LONRF2: variants seen among roughly 807,000 people sequenced by gnomAD.
The protein encoded by LONRF2 is LON peptidase N-terminal domain and RING finger protein 2.
LONRF2 carries 35 observed loss-of-function variants against 66.6 expected under a neutral mutation model. The observed-to-expected ratio is 0.53, with a 90% CI of 0.40 to 0.70. The LOEUF (loss-of-function observed/expected upper bound fraction) is 0.70. Among genes scored for constraint, LONRF2 ranks in the 30% least tolerant of loss-of-function variants. The pLI, the probability that LONRF2 is intolerant of heterozygous loss-of-function variation, is 0.00. For synonymous variants in LONRF2, 417 were observed against 418.1 expected (o/e 1.00, Z 0.03); for missense variants, 902 against 1,002.1 (o/e 0.90, Z 1.35).
At position 100,321,872 on chromosome 2, in the gene LONRF2, G is replaced by A; in HGVS notation, c.222C>T (p.Leu74=). 2.5e-6 allele frequency: 3 copies of A among 1,210,280 alleles called. No individual in the cohort carries two copies. The highest frequency in any genetic ancestry group is 3.1e-6 in the Non-Finnish European group (3 of 975,628). 75.0% of individuals were successfully genotyped at this position (1,210,280 alleles called of 1,614,324 possible). The change falls in exon 1 of 12, where the codon CTC becomes CTT. Residue 74 remains leucine (L), a synonymous_variant. Transcript: ENST00000393437. ...CGCGGAACGCGCCCAGGGCTTCGGGGAGGCGGCCGGCGCGGGCCAGCGCGT... is the reference window on the plus strand; with the variant it reads ...CGCGGAACGCGCCCAGGGCTTCGGGAAGGCGGCCGGCGCGGGCCAGCGCGT... ...LGDALARAGR[L]PEALGAFRGA...
In LONRF2 at chr2:100,295,716, G is replaced by A. The variant is rs17023913; in HGVS notation, c.1477-163C>T. ...GGGCCAGCCTGTAACAAGAGCAGGG[G>A]CAGCCCCTCCACTGTGAGAAAAGGC... On this transcript the variant is annotated intron_variant, in intron 7 of 11. Transcript: ENST00000393437. Among the ~76,000 whole-genome samples the A allele has an allele frequency of 8.6e-3, 1,308 of 152,264 alleles. 18 individuals carry two copies. The highest frequency in any genetic ancestry group is 0.03 in the African/African-American group (1,252 of 41,552).
intron 2 of LONRF2, among the ~76,000 whole-genome samples, chr2:100,304,064 C>T (rs976627089): frequency 6.6e-6 from 1 of 152,006 alleles, no homozygotes; most frequent in Non-Finnish European, 1.5e-5. Context: ...TCTTCAATTT[C>T]ACTGATTATT....
Position 100,284,053 on chromosome 2 carries a change from G to A in LONRF2, c.*245C>T. 1 of 396,736 alleles carries A rather than the reference G, an allele frequency of 2.5e-6. No individual in the cohort carries two copies. Among genetic ancestry groups the A allele is most frequent in the Non-Finnish European group, 4.5e-6 (1 of 220,842 alleles). The allele number at this position is 396,736 out of a possible 1,614,324, so 24.6% of individuals were successfully genotyped here. A position where few individuals can be genotyped will look rare whatever the true frequency, so the allele number is the denominator to read the frequency against. Reference sequence around the variant, plus strand: ...GCATTCCCCAAGCACCTGCTTCTAAGAGATTTTCTTAGGTTGTTTTCCAAC... The same window carrying A: ...GCATTCCCCAAGCACCTGCTTCTAAAAGATTTTCTTAGGTTGTTTTCCAAC... On this transcript the variant is annotated 3_prime_UTR_variant, in exon 12 of 12. Transcript: ENST00000393437.
chr2:100,307,055 G>A (rs955613707), intron 2 of LONRF2, among the ~76,000 whole-genome samples: 5 of 151,552 alleles, frequency 3.3e-5, no homozygotes, highest in Non-Finnish European at 7.4e-5. Flanking sequence ...CGAGTAGCTG[G>A]GACTACAGGC....
intron 1 of LONRF2, among the ~76,000 whole-genome samples, chr2:100,318,396 A>G (rs1270366236): frequency 6.6e-6 from 1 of 152,152 alleles, no homozygotes; most frequent in African/African-American, 2.4e-5. Flanking sequence ...TCCACTCATA[A>G]CTTATCGGCC....
chr2:100,298,160 C>G (rs1675110477), intron 7 of LONRF2, among the ~76,000 whole-genome samples: 1 of 152,140 alleles, frequency 6.6e-6, no homozygotes, highest in South Asian at 2.1e-4. Context: ...ACTAATAGGA[C>G]CACAGCCCAA....
At position 100,284,230 on chromosome 2, in the gene LONRF2, G is replaced by T; in HGVS notation, c.*68C>A. On this transcript the variant is annotated 3_prime_UTR_variant, in exon 12 of 12. Transcript: ENST00000393437. ...ACTTGATGAAGCACAATGAATGGAC[G>T]GCTATTCGTCCATGCCTGACATTTA... 8.1e-6 allele frequency: 11 copies of T among 1,361,720 alleles called. No homozygotes were observed. Among genetic ancestry groups the T allele is most frequent in the Middle Eastern group, 1.9e-4 (1 of 5,344 alleles). The allele number at this position is 1,361,720 out of a possible 1,614,324, so 84.4% of individuals were successfully genotyped here.
intron 6 of LONRF2, 108 bp from the exon 7 acceptor site, chr2:100,299,058 C>T: frequency 1.1e-6 from 1 of 890,940 alleles, no homozygotes; most frequent in Non-Finnish European, 1.8e-6. Context: ...TTCTAGAAAT[C>T]ACTTGCATGC....
chr2:100,286,832 T>G (rs1674855605), intron 11 of LONRF2, 82 bp downstream of exon 11: 2 of 1,494,312 alleles, frequency 1.3e-6, no homozygotes, highest in South Asian at 2.7e-5. Flanking sequence ...AGCATCATAC[T>G]GCCAAGCTCT....
intron 9 of LONRF2, among the ~76,000 whole-genome samples, chr2:100,293,787 C>G (rs1178512997): frequency 2.0e-5 from 3 of 152,144 alleles, no homozygotes; most frequent in Non-Finnish European, 4.4e-5. Flanking sequence ...CCTATGCTGC[C>G]TAGGTTGGTC....
In LONRF2 at chr2:100,276,038, C is replaced by T. The variant is rs1674595065; in HGVS notation, c.*8260G>A. 1 of 152,028 alleles carries T rather than the reference C, an allele frequency of 6.6e-6. No individual in the cohort carries two copies. The highest frequency in any genetic ancestry group is 2.4e-5 in the African/African-American group (1 of 41,392). The allele number at this position is 152,028 out of a possible 1,614,324, so 9.4% of individuals were successfully genotyped here. On this transcript the variant is annotated 3_prime_UTR_variant, in exon 12 of 12. Transcript: ENST00000393437. ...CTAAACGGAAGGTCCCTAATCTGATCCAATTAGAAATCCAACGCTTATACA... is the reference window on the plus strand; with the variant it reads ...CTAAACGGAAGGTCCCTAATCTGATTCAATTAGAAATCCAACGCTTATACA...
At chr2:100,314,492 T>C (rs1457876889) in intron 1 of LONRF2, among the ~76,000 whole-genome samples, 4 of 152,206 alleles carry the variant, frequency 2.6e-5, no homozygotes, top group African/African-American at 4.8e-5. Flanking sequence ...TTTTTCTTTT[T>C]GAATCATAGG....
Position 100,284,031 on chromosome 2 carries a change from T to TCTCGGTGG in LONRF2, c.*266_*267insCCACCGAG. The TCTCGGTGG allele has an allele frequency of 8.6e-6, 3 of 349,532 alleles. No homozygotes were observed. Among genetic ancestry groups the TCTCGGTGG allele is most frequent in the South Asian group, 1.0e-4 (2 of 19,198 alleles). 21.7% of individuals were successfully genotyped at this position (349,532 alleles called of 1,614,324 possible). A position where few individuals can be genotyped will look rare whatever the true frequency, so the allele number is the denominator to read the frequency against. ...GGTCCTGTGCTGTCAGTGAACTGCA[T>TCTCGGTGG]TCCCCAAGCACCTGCTTCTAAGAGA... On this transcript the variant is annotated 3_prime_UTR_variant, in exon 12 of 12. Transcript: ENST00000393437.
At chr2:100,303,123 T>C (rs1432296792) in intron 2 of LONRF2, 80 bp from the exon 3 acceptor site, 4 of 1,330,528 alleles carry the variant, frequency 3.0e-6, no homozygotes, top group Non-Finnish European at 4.0e-6. Flanking sequence ...CCTGAACAAA[T>C]TTATTAGAAC....
At chr2:100,321,293 G>T in intron 1 of LONRF2, 122 bp downstream of exon 1, 2 of 870,888 alleles carry the variant, frequency 2.3e-6, no homozygotes, top group Non-Finnish European at 3.2e-6. Flanking sequence ...GAAGCAAAGT[G>T]ACCCCTAAGC....
intron 9 of LONRF2, among the ~76,000 whole-genome samples, chr2:100,291,925 C>T (rs981616633): frequency 3.9e-5 from 6 of 152,160 alleles, no homozygotes; most frequent in Admixed American, 6.5e-5. Flanking sequence ...GAATTCAAGC[C>T]CACAAAACAC....
chr2:100,314,965 T>C (rs1160905541), intron 1 of LONRF2, among the ~76,000 whole-genome samples: 2 of 152,234 alleles, frequency 1.3e-5, no homozygotes, highest in Non-Finnish European at 2.9e-5. Flanking sequence ...TGGCCATTCA[T>C]CAATTTCCAC....
Position 100,285,402 on chromosome 2 carries a change from G to A in LONRF2, c.2071-910C>T, listed in dbSNP as rs191421148. Among the ~76,000 whole-genome samples the A allele has an allele frequency of 4.6e-5, 7 of 152,276 alleles. No individual in the cohort carries two copies. The East Asian group carries it at 1.4e-3, about 29-fold the overall frequency. On this transcript the variant is annotated intron_variant, in intron 11 of 11. Coordinates refer to ENST00000393437, the MANE Select transcript of LONRF2 (RefSeq NM_198461.4). The stretch of plus-strand genomic sequence containing the variant: ...TATACAGATTCACACTCTTTTCCCT[G>A]CCTCATCTCACAGAGAAAGAAAAAA...
In LONRF2 at chr2:100,284,499, A is replaced by C; in HGVS notation, c.2071-7T>G. 6.4e-7 allele frequency: 1 copy of C among 1,555,770 alleles called. No homozygotes were observed. The highest frequency in any genetic ancestry group is 1.4e-5 in the African/African-American group (1 of 73,192). ...CAGGGCCGCTGGGATTACTCTGCAA[A>C]AGAGATGAGGGGAAAGCAAGGTTAA... is the stretch of plus-strand genomic sequence containing the variant. On this transcript the variant is annotated splice_polypyrimidine_tract_variant and splice_region_variant and intron_variant, in intron 11 of 11. Transcript: ENST00000393437.
Sources: allele counts gnomAD v4.1 joint callset (sites outside exome capture counted in the v4.1 genomes callset), GRCh38; gene constraint gnomAD v4.1.1; transcripts MANE v1.5; gene names NCBI Gene and HGNC (gene_info 2026-07-23, HGNC 2026-07-21).